The following HDAC9 variants were observed in gnomAD, a reference collection of about 807,000 sequenced individuals.
HDAC9 encodes the protein histone deacetylase 9.
Under a neutral mutation model 139.4 loss-of-function variants are expected in HDAC9, and 41 were observed. The ratio of observed to expected loss-of-function variants is 0.29; its 90% CI spans 0.23 to 0.38. HDAC9 has a LOEUF of 0.38. HDAC9 is among the 10% of genes least tolerant of loss of function. The probability of loss-of-function intolerance (pLI) is 1.00; values close to 1 mark genes in which losing one functional copy is unlikely to be tolerated. For synonymous variants in HDAC9, 517 were observed against 476.2 expected (o/e 1.09, Z -1.12); for missense variants, 1,147 against 1,297.0 (o/e 0.88, Z 1.78).
intron 12 of HDAC9, among the ~76,000 whole-genome samples, chr7:18,717,564 C>T (rs1456102786): frequency 6.6e-6 from 1 of 151,630 alleles, no homozygotes; most frequent in Non-Finnish European, 1.5e-5. Flanking sequence ...CCCAAGTAGC[C>T]GGGATTACAG....
At chr7:18,988,689 T>A (rs942516872) in intron 25 of HDAC9, among the ~76,000 whole-genome samples, 1 of 151,420 alleles carries the variant, frequency 6.6e-6, no homozygotes, top group African/African-American at 2.4e-5. Flanking sequence ...TATTAATGTG[T>A]GGGAGTCTAA....
At chr7:18,451,315 C>T (rs1045448549) in intron 1 of HDAC9, among the ~76,000 whole-genome samples, 2 of 150,474 alleles carry the variant, frequency 1.3e-5, no homozygotes, top group African/African-American at 4.9e-5. Flanking sequence ...ATTACCCAGT[C>T]TAAGATATTT....
chr7:18,275,698 C>G (rs577095804), intron 2 of HDAC9, among the ~76,000 whole-genome samples: 2 of 152,234 alleles, frequency 1.3e-5, no homozygotes, highest in Non-Finnish European at 2.9e-5. Context: ...TGGTCAAGTA[C>G]CTTTATGGGT....
intron 8 of HDAC9, among the ~76,000 whole-genome samples, chr7:18,639,140 GT>G (rs1784781988): frequency 6.6e-6 from 1 of 151,994 alleles, no homozygotes; most frequent in Admixed American, 6.6e-5. Context: ...TAATAATAAG[GT>G]TAAGTGTTCT....
At chr7:18,365,590 G>A (rs1011314408) in intron 1 of HDAC9, among the ~76,000 whole-genome samples, 4 of 151,574 alleles carry the variant, frequency 2.6e-5, no homozygotes, top group African/African-American at 9.7e-5. Flanking sequence ...GGACTAACGA[G>A]CAGTAATAAG....
intron 6 of HDAC9, among the ~76,000 whole-genome samples, chr7:18,603,258 G>T (rs144341882): frequency 2.9e-4 from 44 of 152,084 alleles, no homozygotes; most frequent in Non-Finnish European, 5.7e-4. Context: ...TTTACTGACA[G>T]CCTCTCTTCG....
intron 1 of HDAC9, among the ~76,000 whole-genome samples, chr7:18,399,836 C>T (rs1787376198): frequency 6.6e-6 from 1 of 152,214 alleles, no homozygotes; most frequent in Non-Finnish European, 1.5e-5. Flanking sequence ...GGCTCCCAGG[C>T]ACCTGTGTAG....
In HDAC9 at chr7:18,229,561, C is replaced by T. The variant is rs191348734; in HGVS notation, c.25+67212C>T. ...ATATGGACAGCAGCTGCCAAGTTCT[C>T]TTTTACTTGGTGAGTTATGGATGGC... On this transcript the variant is annotated intron_variant, in intron 2 of 12. Transcript: ENST00000417496. 3.0e-4 allele frequency among the ~76,000 whole-genome samples: 45 copies of T among 152,256 alleles called. 1 individual carries two copies. Among genetic ancestry groups the T allele is most frequent in the African/African-American group, 1.1e-3 (45 of 41,548 alleles).
intron 1 of HDAC9, among the ~76,000 whole-genome samples, chr7:18,417,224 C>T (rs886443583): frequency 6.6e-6 from 1 of 152,114 alleles, no homozygotes; most frequent in African/African-American, 2.4e-5. Flanking sequence ...TTAGCCTATC[C>T]ATTGTATATT....
chr7:18,979,905 G>A (rs1319211141), intron 25 of HDAC9, among the ~76,000 whole-genome samples: 1 of 152,134 alleles, frequency 6.6e-6, no homozygotes, highest in African/African-American at 2.4e-5. Context: ...CCTCTCATGA[G>A]GCCCCACCTC....
intron 1 of HDAC9, among the ~76,000 whole-genome samples, chr7:18,432,676 T>G (rs1368536904): frequency 6.6e-6 from 1 of 152,102 alleles, no homozygotes; most frequent in African/African-American, 2.4e-5. Flanking sequence ...GGCCGGGCGC[T>G]GTGGCTCACG....
At chr7:18,303,408 TG>T (rs1321477874) in intron 1 of HDAC9, among the ~76,000 whole-genome samples, 1 of 141,824 alleles carries the variant, frequency 7.1e-6, no homozygotes, top group African/African-American at 2.8e-5. Flanking sequence ...TGTGTGTGTG[TG>T]TGTGTGTGTG....
intron 1 of HDAC9, among the ~76,000 whole-genome samples, chr7:18,092,568 A>G (rs1029381668): frequency 2.0e-5 from 3 of 152,146 alleles, no homozygotes; most frequent in Non-Finnish European, 4.4e-5. Context: ...GCTCTATATC[A>G]TAAAAGAGAG....
At chr7:18,441,394 C>T (rs572052098) in intron 1 of HDAC9, among the ~76,000 whole-genome samples, 8 of 152,194 alleles carry the variant, frequency 5.3e-5, no homozygotes, top group South Asian at 2.1e-4. Context: ...TTAGCACTTG[C>T]ATGACAATGA....
intron 22 of HDAC9, among the ~76,000 whole-genome samples, chr7:18,924,104 G>A (rs1585321014): frequency 6.7e-6 from 1 of 149,832 alleles, no homozygotes; most frequent in Non-Finnish European, 1.5e-5. Context: ...CTGCCCTGAT[G>A]TTGGAGAATT....
intron 2 of HDAC9, among the ~76,000 whole-genome samples, chr7:18,542,833 A>T (rs946426298): frequency 6.6e-6 from 1 of 152,178 alleles, no homozygotes; most frequent in African/African-American, 2.4e-5. Flanking sequence ...CTAGAAATTT[A>T]TCCTAAGTGT....
intron 1 of HDAC9, among the ~76,000 whole-genome samples, chr7:18,141,272 AT>A (rs1445428161): frequency 6.6e-6 from 1 of 152,144 alleles, no homozygotes; most frequent in Non-Finnish European, 1.5e-5. Context: ...TTTAAAAAAC[AT>A]TTTTTCCCTT....
intron 2 of HDAC9, among the ~76,000 whole-genome samples, chr7:18,212,106 T>C (rs962856005): frequency 6.6e-6 from 1 of 152,178 alleles, no homozygotes; most frequent in African/African-American, 2.4e-5. Context: ...TTTCTGCATG[T>C]TTCTGTCCAG....
intron 2 of HDAC9, among the ~76,000 whole-genome samples, chr7:18,195,361 C>T (rs564671644): frequency 2.4e-4 from 37 of 152,242 alleles, no homozygotes; most frequent in African/African-American, 8.9e-4. Flanking sequence ...TTACCTATCA[C>T]CTTTAATGGG....
Sources: gnomAD v4.1 joint callset for allele counts (sites outside exome capture counted in the v4.1 genomes callset) on GRCh38, gnomAD v4.1.1 for gene constraint, MANE v1.5 for transcripts, NCBI Gene and HGNC (gene_info 2026-07-23, HGNC 2026-07-21) for gene names.